NPPC: variants seen among roughly 807,000 people sequenced by gnomAD.
NPPC encodes the protein natriuretic peptide C.
In NPPC, 4 loss-of-function variants were observed where a neutral mutation model predicts 10.2. The observed-to-expected ratio is 0.39, with a 90% CI of 0.19 to 0.90. The LOEUF (loss-of-function observed/expected upper bound fraction) is 0.90, where lower values mean the gene tolerates loss of function less well. Ranked by LOEUF, NPPC falls within the 40% of genes least tolerant of loss-of-function variation. The probability of loss-of-function intolerance (pLI) is 0.37; values close to 1 mark genes in which losing one functional copy is unlikely to be tolerated. For missense variants in NPPC, 182 were observed against 173.8 expected, an observed-to-expected ratio of 1.05 and a Z score of -0.26; for synonymous variants, 83 against 87.3, an observed-to-expected ratio of 0.95 and a Z score of 0.27.
rs186884698 is a variant in NPPC at position 231,923,060 on chromosome 2, T to C, written c.*21-745A>G. ...CTGAGTGTTGTTAGGGTAAACTCTC[T>C]GCTAATGGGTGTGTGGGTGCCCCGG... On this transcript the variant is annotated intron_variant, in intron 2 of 2. Coordinates refer to ENST00000409852, the MANE Select transcript of NPPC (RefSeq NM_024409.4). 6.6e-5 allele frequency among the ~76,000 whole-genome samples: 10 copies of C among 152,314 alleles called. No individual in the cohort carries two copies. In the East Asian group the frequency reaches 1.9e-3, roughly 29 times the overall value.
At chr2:231,925,777 G>T (rs1325055415) in intron 1 of NPPC, 62 bp from the exon 2 acceptor site, 24 of 1,414,862 alleles carry the variant, frequency 1.7e-5, no homozygotes, top group South Asian at 3.0e-5. Context: ...GGACTCTGAT[G>T]CTCCAGCCCC....
In NPPC at chr2:231,925,253, T is replaced by G. The variant is rs1691986163; in HGVS notation, c.*20+152A>C. 8 of 646,380 alleles carry G rather than the reference T, an allele frequency of 1.2e-5. No individual in the cohort carries two copies. In the East Asian group the frequency reaches 2.8e-4, roughly 23 times the overall value. 40.0% of individuals were successfully genotyped at this position (646,380 alleles called of 1,614,324 possible). A position where few individuals can be genotyped will look rare whatever the true frequency, so the allele number is the denominator to read the frequency against. ...TTCCCCGATCACGTTATCCTTCGCT[T>G]TCTTTGTCTGTAAAGTGGGATAATA... On this transcript the variant is annotated intron_variant, in intron 2 of 2. Transcript: ENST00000409852.
chr2:231,923,065 A>ATGGG (rs1408289838), intron 2 of NPPC, among the ~76,000 whole-genome samples: 6 of 152,176 alleles, frequency 3.9e-5, no homozygotes, highest in Middle Eastern at 3.2e-3. Flanking sequence ...CTCTCTGCTA[A>ATGGG]TGGGTGTGTG....
At chr2:231,923,757 G>A (rs1691962177) in intron 2 of NPPC, among the ~76,000 whole-genome samples, 1 of 152,174 alleles carries the variant, frequency 6.6e-6, no homozygotes, top group Non-Finnish European at 1.5e-5. Context: ...TTCACCACCC[G>A]TTTGGCCATC....
intron 2 of NPPC, among the ~76,000 whole-genome samples, chr2:231,924,145 G>A (rs1691967267): frequency 1.3e-5 from 2 of 152,272 alleles, no homozygotes; most frequent in Non-Finnish European, 2.9e-5. Flanking sequence ...GCAGGTGGGA[G>A]TGGCCATGGG....
intron 1 of NPPC, 28 bp from the exon 2 acceptor site, chr2:231,925,743 A>G (rs993803481): frequency 6.6e-7 from 1 of 1,511,764 alleles, no homozygotes; most frequent in African/African-American, 1.4e-5. Context: ...GGGCAGGTGA[A>G]GGGACACGCG....
In NPPC at chr2:231,925,668, C is replaced by T. The variant is rs1332884318; in HGVS notation, c.138G>A (p.Ala46=). ...PAEELAEPQA[A]GGGQKKGDKA... is the part of the protein sequence containing the mutation. ...TGTCGCCCTTCTTCTGACCGCCGCC[C>T]GCAGCCTGCGGCTCGGCCAGCTCCT... The change falls in exon 2 of 3, where the codon GCG becomes GCA. Residue 46 remains alanine, a synonymous_variant. Transcript: ENST00000409852. The T allele has an allele frequency of 1.3e-6, 2 of 1,599,586 alleles. No homozygotes were observed. Among genetic ancestry groups the T allele is most frequent in the South Asian group, 1.1e-5 (1 of 89,324 alleles).
rs1051862362 is a variant in NPPC at position 231,926,368 on chromosome 2, T to C, written c.-119A>G. 5.2e-6 allele frequency: 3 copies of C among 576,796 alleles called. No individual in the cohort carries two copies. In the South Asian group the frequency reaches 2.6e-4, roughly 50 times the overall value. The allele number at this position is 576,796 out of a possible 1,614,324, so 35.7% of individuals were successfully genotyped here. ...GGCTGCAGGGCGAGCAGGGTCCCAGTGCTGCGCGGCGCCGGCTGGGTGCGC... is the reference window on the plus strand; with the variant it reads ...GGCTGCAGGGCGAGCAGGGTCCCAGCGCTGCGCGGCGCCGGCTGGGTGCGC... On this transcript the variant is annotated 5_prime_UTR_variant, in exon 1 of 3. Coordinates refer to ENST00000409852, the MANE Select transcript of NPPC (RefSeq NM_024409.4).
At chr2:231,922,569 C>G (rs907142507) in intron 2 of NPPC, among the ~76,000 whole-genome samples, 1 of 152,204 alleles carries the variant, frequency 6.6e-6, no homozygotes, top group African/African-American at 2.4e-5. Context: ...CTTCTTCCCC[C>G]AGTCTAACCA....
intron 2 of NPPC, among the ~76,000 whole-genome samples, chr2:231,925,137 G>A (rs2106193687): frequency 6.6e-6 from 1 of 152,344 alleles, no homozygotes; most frequent in East Asian, 1.9e-4. Flanking sequence ...ACGGTTCAGG[G>A]GTGGGTGAGA....
In NPPC at chr2:231,925,543, A is replaced by C. The variant is rs774357465; in HGVS notation, c.263T>G (p.Leu88Arg). The stretch of plus-strand genomic sequence containing the variant: ...GCGCGCGTTGGGGTGCTCTTGCAGA[A>C]GGCGAGCCCACGCTGCCCGCGACTT... ...DTKSRAAWAR[L>R]LQEHPNARKY... Residue 88 changes from leucine (L) to arginine (R), a missense_variant, in exon 2 of 3, where the codon CTT (leucine) becomes CGT (arginine). Coordinates refer to ENST00000409852, the MANE Select transcript of NPPC (RefSeq NM_024409.4). 1.2e-6 allele frequency: 2 copies of C among 1,612,736 alleles called. No individual in the cohort carries two copies. The highest frequency in any genetic ancestry group is 1.7e-6 in the Non-Finnish European group (2 of 1,179,664).
In NPPC at chr2:231,925,692, C is replaced by A. The variant is rs748331924; in HGVS notation, c.114G>T (p.Glu38Asp). ...PPKVPRTPPA[E>D]ELAEPQAAGG... The stretch of plus-strand genomic sequence containing the variant: ...CCGCAGCCTGCGGCTCGGCCAGCTC[C>A]TCTGCCGGCGGGGTTCGCGGGACCT... The change falls in exon 2 of 3, where the codon GAG becomes GAT. Residue 38 changes from glutamate (E) to aspartate (D), a missense_variant. Transcript: ENST00000409852. 1.3e-6 allele frequency: 2 copies of A among 1,585,896 alleles called. No individual in the cohort carries two copies. The highest frequency in any genetic ancestry group is 2.7e-5 in the African/African-American group (2 of 74,278).
chr2:231,923,138 A>T (rs1691952731), intron 2 of NPPC, among the ~76,000 whole-genome samples: 1 of 152,238 alleles, frequency 6.6e-6, no homozygotes, highest in South Asian at 2.1e-4. Flanking sequence ...AAAGGACAGC[A>T]TGCACAGAGG....
chr2:231,924,918 G>T (rs1002968220), intron 2 of NPPC, among the ~76,000 whole-genome samples: 16 of 152,198 alleles, frequency 1.1e-4, no homozygotes, highest in African/African-American at 3.6e-4. Context: ...TTTAGAGAAG[G>T]GACAGGAATC....
At chr2:231,925,159 C>T (rs1165932824) in intron 2 of NPPC, among the ~76,000 whole-genome samples, 1 of 152,234 alleles carries the variant, frequency 6.6e-6, no homozygotes, top group Non-Finnish European at 1.5e-5. Flanking sequence ...ACCACCAAGC[C>T]TGTTTCTGCT....
In NPPC at chr2:231,925,483, T is replaced by C; in HGVS notation, c.323A>G (p.Lys108Arg). The change falls in exon 2 of 3, where the codon AAG becomes AGG. Residue 108 changes from lysine (K) to arginine (R), a missense_variant. By Grantham distance (26) the Lys-to-Arg change is conservative (BLOSUM62 2). Transcript: ENST00000409852. The stretch of plus-strand genomic sequence containing the variant: ...GTCCAGCTTGAGGCCGAAGCAGCCC[T>C]TGGACAAGCCCTTCTTGTTGGCTCC... Reference protein sequence around the residue: ...YKGANKKGLSKGCFGLKLDRI... With the variant: ...YKGANKKGLSRGCFGLKLDRI... 1 of 1,612,934 alleles carries C rather than the reference T, an allele frequency of 6.2e-7. No homozygotes were observed. The highest frequency in any genetic ancestry group is 8.5e-7 in the Non-Finnish European group (1 of 1,179,634).
intron 2 of NPPC, among the ~76,000 whole-genome samples, chr2:231,923,882 T>A (rs1691964068): frequency 6.6e-6 from 1 of 152,242 alleles, no homozygotes; most frequent in Admixed American, 6.5e-5. Flanking sequence ...AGTTTGAACT[T>A]GATGCTTAAA....
chr2:231,924,595 G>C (rs1195364605), intron 2 of NPPC, among the ~76,000 whole-genome samples: 1 of 152,236 alleles, frequency 6.6e-6, no homozygotes, highest in Middle Eastern at 3.4e-3. Context: ...AAAGAGGAGA[G>C]GTGAGGCTCT....
chr2:231,922,403 C>T (rs1284659963), intron 2 of NPPC, 88 bp from the exon 3 acceptor site: 1 of 152,196 alleles, frequency 6.6e-6, no homozygotes, highest in Non-Finnish European at 1.5e-5. Context: ...AACCTTTCCT[C>T]CCCTTCTCCC....
Sources: allele counts gnomAD v4.1 joint callset (sites outside exome capture counted in the v4.1 genomes callset), GRCh38; gene constraint gnomAD v4.1.1; transcripts MANE v1.5; gene names NCBI Gene and HGNC (gene_info 2026-07-23, HGNC 2026-07-21).